Variants in CDK15 observed in about 807,000 individuals in gnomAD.
The protein encoded by CDK15 is cyclin-dependent kinase 15.
In CDK15, 62 loss-of-function variants were observed where a neutral mutation model predicts 60.3. The observed-to-expected ratio is 1.03, with a 90% CI of 0.84 to 1.27. CDK15 has a LOEUF of 1.27. CDK15 is among the 50% of genes most tolerant of loss of function. CDK15 has a pLI of 0.00. For synonymous variants in CDK15, 194 were observed against 195.7 expected, an observed-to-expected ratio of 0.99 and a Z score of 0.07; for missense variants, 541 against 527.8, an observed-to-expected ratio of 1.03 and a Z score of -0.25.
chr2:201,832,964 A>G (rs1036049523), intron 6 of CDK15, among the ~76,000 whole-genome samples: 1 of 152,250 alleles, frequency 6.6e-6, no homozygotes, highest in African/African-American at 2.4e-5. Flanking sequence ...TGAATTCTCA[A>G]TTGCCAATGG....
intron 13 of CDK15, among the ~76,000 whole-genome samples, chr2:201,892,797 A>C (rs1166695709): frequency 6.6e-6 from 1 of 152,256 alleles, no homozygotes; most frequent in Non-Finnish European, 1.5e-5. Flanking sequence ...AGTGAATTGA[A>C]TTTATGTTAA....
chr2:201,846,556 CCTTTTTTTTT>C (rs1175941246), intron 8 of CDK15, among the ~76,000 whole-genome samples: 1 of 150,198 alleles, frequency 6.7e-6, no homozygotes, highest in Non-Finnish European at 1.5e-5. Flanking sequence ...AAAGAAAAGT[CCTTTTTTTTT>C]CTTTTTTTTT....
chr2:201,853,689 T>A (rs1279531405), intron 9 of CDK15, among the ~76,000 whole-genome samples: 1 of 151,602 alleles, frequency 6.6e-6, no homozygotes, highest in African/African-American at 2.4e-5. Context: ...TGTTACTCTG[T>A]CTCCCATATA....
intron 7 of CDK15, among the ~76,000 whole-genome samples, chr2:201,834,452 G>A (rs1450461854): frequency 1.3e-5 from 2 of 152,144 alleles, no homozygotes; most frequent in Non-Finnish European, 2.9e-5. Flanking sequence ...TCCCATTAAA[G>A]TGAAGCAGAT....
intron 10 of CDK15, among the ~76,000 whole-genome samples, chr2:201,864,507 G>A (rs994114492): frequency 6.6e-6 from 1 of 151,972 alleles, no homozygotes; most frequent in East Asian, 1.9e-4. Context: ...TAGTAGAGAC[G>A]GGGGTTTCAC....
chr2:201,844,142 G>A (rs903762908), intron 8 of CDK15, among the ~76,000 whole-genome samples: 1 of 152,220 alleles, frequency 6.6e-6, no homozygotes, highest in African/African-American at 2.4e-5. Flanking sequence ...GAACTGGATA[G>A]AGGGTTAGTT....
chr2:201,827,249 T>C (rs1696548531), intron 6 of CDK15, among the ~76,000 whole-genome samples: 1 of 152,114 alleles, frequency 6.6e-6, no homozygotes, highest in Non-Finnish European at 1.5e-5. Flanking sequence ...AGTTCAAGAC[T>C]AGCATGGGCA....
intron 8 of CDK15, among the ~76,000 whole-genome samples, chr2:201,836,793 G>C (rs1192567264): frequency 2.0e-5 from 3 of 149,302 alleles, no homozygotes; most frequent in African/African-American, 7.5e-5. Flanking sequence ...TTCAGAGCCT[G>C]GTTTAGGAAA....
At chr2:201,829,439 G>A (rs1417512202) in intron 6 of CDK15, among the ~76,000 whole-genome samples, 4 of 152,158 alleles carry the variant, frequency 2.6e-5, no homozygotes, top group African/African-American at 9.7e-5. Flanking sequence ...AAGAGTCAGC[G>A]ATATTTTTTT....
intron 9 of CDK15, among the ~76,000 whole-genome samples, chr2:201,851,563 T>C (rs1697910829): frequency 6.6e-6 from 1 of 152,168 alleles, no homozygotes; most frequent in Non-Finnish European, 1.5e-5. Flanking sequence ...ACGCTAAAGG[T>C]GGCTAAAGGC....
chr2:201,886,972 C>T (rs1699472801), intron 12 of CDK15, among the ~76,000 whole-genome samples: 1 of 152,078 alleles, frequency 6.6e-6, no homozygotes, highest in African/African-American at 2.4e-5. Context: ...ACCCTTATAC[C>T]CTATACCTTT....
At chr2:201,852,924 C>T (rs927803126) in intron 9 of CDK15, among the ~76,000 whole-genome samples, 1 of 152,172 alleles carries the variant, frequency 6.6e-6, no homozygotes, top group Non-Finnish European at 1.5e-5. Flanking sequence ...AAATATCATA[C>T]AAAGTAACCA....
At chr2:201,827,244 A>G (rs1696548178) in intron 6 of CDK15, among the ~76,000 whole-genome samples, 1 of 152,306 alleles carries the variant, frequency 6.6e-6, no homozygotes, top group South Asian at 2.1e-4. Context: ...CCAAGAGTTC[A>G]AGACTAGCAT....
At chr2:201,839,977 TTTTTGTTTTTG>T (rs1454319289) in intron 8 of CDK15, among the ~76,000 whole-genome samples, 1 of 95,844 alleles carries the variant, frequency 1.0e-5, no homozygotes, top group Non-Finnish European at 2.2e-5. Context: ...TTTTTTTTTG[TTTTTGTTTTTG>T]TTTTTGTTTT....
intron 12 of CDK15, among the ~76,000 whole-genome samples, chr2:201,885,937 T>A (rs1242620941): frequency 6.6e-6 from 1 of 152,208 alleles, no homozygotes; most frequent in Non-Finnish European, 1.5e-5. Flanking sequence ...GCTAATTGCT[T>A]GAAGTCACAC....
At chr2:201,819,549 G>C (rs534067256) in intron 4 of CDK15, among the ~76,000 whole-genome samples, 1 of 152,318 alleles carries the variant, frequency 6.6e-6, no homozygotes, top group East Asian at 1.9e-4. Flanking sequence ...CATTTGAGAA[G>C]GATAGCAGTG....
rs371407005 is a variant in CDK15 at position 201,880,789 on chromosome 2, G to A, written c.1198+622G>A. Among the ~76,000 whole-genome samples, 6 of 152,242 alleles carry A rather than the reference G, an allele frequency of 3.9e-5. No homozygotes were observed. In the East Asian group the frequency reaches 5.8e-4, roughly 15 times the overall value. ...GAGGGATCATGTGGTTGGAACTCCC[G>A]TCATGTTTCTTGGACTGTGGCCAGG... On this transcript the variant is annotated intron_variant, in intron 12 of 13. Transcript: ENST00000652192.
chr2:201,888,547 C>A, intron 12 of CDK15: 1 of 1,490,546 alleles, frequency 6.7e-7, no homozygotes, highest in Non-Finnish European at 8.8e-7. Flanking sequence ...TGTGAGATTG[C>A]TGAAGGAGAG....
intron 8 of CDK15, 47 bp from the exon 9 acceptor site, chr2:201,847,334 G>A: frequency 4.5e-6 from 7 of 1,539,960 alleles, no homozygotes; most frequent in Non-Finnish European, 6.3e-6. Context: ...AGTTTCGCTT[G>A]TATGATTTCT....
Sources: allele counts gnomAD v4.1 joint callset (sites outside exome capture counted in the v4.1 genomes callset), GRCh38; gene constraint gnomAD v4.1.1; transcripts MANE v1.5; gene names NCBI Gene and HGNC (gene_info 2026-07-23, HGNC 2026-07-21).